The following AGO2 variants were observed in gnomAD, a reference collection of about 807,000 sequenced individuals.
The protein encoded by AGO2 is protein argonaute-2.
In AGO2, 5 loss-of-function variants were observed where a neutral mutation model predicts 102.3. The ratio of observed to expected loss-of-function variants is 0.05; its 90% CI spans 0.03 to 0.10. The LOEUF is 0.10. Among genes scored for constraint, AGO2 ranks in the 10% least tolerant of loss-of-function variants. AGO2 has a pLI of 1.00. For missense variants in AGO2, 541 were observed against 1,183.7 expected (o/e 0.46, Z 7.97); for synonymous variants, 449 against 473.1 (o/e 0.95, Z 0.66).
chr8:140,559,275 T>C (rs2073156310), intron 6 of AGO2, 120 bp downstream of exon 6: 2 of 1,305,066 alleles, frequency 1.5e-6, no homozygotes, highest in Non-Finnish European at 2.1e-6. Context: ...GATGGCTACA[T>C]TCTGCCACCC....
In AGO2 at chr8:140,608,118, A is replaced by G. The variant is rs998363776; in HGVS notation, c.23-22807T>C. 1.2e-4 allele frequency among the ~76,000 whole-genome samples: 19 copies of G among 152,270 alleles called. No individual in the cohort carries two copies. In the East Asian group the frequency reaches 3.5e-3, roughly 28 times the overall value. On this transcript the variant is annotated intron_variant, in intron 1 of 18. Coordinates refer to ENST00000220592, the MANE Select transcript of AGO2 (RefSeq NM_012154.5). ...CTTTAACCGCCACTCCTAAACACAGAGTGGTGATATGGGCTTGTGAGCTCT... is the reference window on the plus strand; with the variant it reads ...CTTTAACCGCCACTCCTAAACACAGGGTGGTGATATGGGCTTGTGAGCTCT...
intron 17 of AGO2, among the ~76,000 whole-genome samples, chr8:140,533,725 G>A (rs2072643347): frequency 2.0e-5 from 3 of 151,272 alleles, no homozygotes; most frequent in African/African-American, 7.3e-5. Context: ...GAGAATCGCT[G>A]GAACCCGGGA....
At chr8:140,631,208 A>AG (rs1737996660) in intron 1 of AGO2, among the ~76,000 whole-genome samples, 1 of 152,146 alleles carries the variant, frequency 6.6e-6, no homozygotes, top group Admixed American at 6.5e-5. Flanking sequence ...GAAAAAACGG[A>AG]GGGGGAGGGG....
chr8:140,629,020 G>A (rs2074308513), intron 1 of AGO2, among the ~76,000 whole-genome samples: 1 of 152,094 alleles, frequency 6.6e-6, no homozygotes, highest in Non-Finnish European at 1.5e-5. Context: ...GAACCTGGGA[G>A]GCGGAGGTTG....
chr8:140,573,973 C>G (rs1413659650), intron 2 of AGO2, among the ~76,000 whole-genome samples: 3 of 152,222 alleles, frequency 2.0e-5, no homozygotes, highest in Non-Finnish European at 4.4e-5. Flanking sequence ...CAAACCTCAG[C>G]CCACTTGCAG....
chr8:140,572,565 T>C (rs1173749853), intron 3 of AGO2: 1 of 422,956 alleles, frequency 2.4e-6, no homozygotes, highest in African/African-American at 2.0e-5. Context: ...TACTTAAAGT[T>C]TGGTGGTTTC....
intron 4 of AGO2, among the ~76,000 whole-genome samples, chr8:140,561,874 C>T (rs767614928): frequency 9.9e-5 from 15 of 152,196 alleles, no homozygotes; most frequent in East Asian, 1.9e-4. Flanking sequence ...TGAGGGCTGA[C>T]GCGCTGAGCT....
chr8:140,547,290 C>T lies in AGO2; in HGVS notation c.1748+178G>A, dbSNP rs571706380. On this transcript the variant is annotated intron_variant, in intron 13 of 18. Coordinates refer to ENST00000220592, the MANE Select transcript of AGO2 (RefSeq NM_012154.5). ...AAACTCCTGCAGACGCCCCTGGTCC[C>T]CAGCAGAGCGTGAGCAGCCAGATCT... Among the ~76,000 whole-genome samples, 603 of 152,354 alleles carry T rather than the reference C, an allele frequency of 4.0e-3. 1 individual carries two copies. The highest frequency in any genetic ancestry group is 6.8e-3 in the Non-Finnish European group (466 of 68,038).
At chr8:140,604,754 G>A (rs1024044570) in intron 1 of AGO2, among the ~76,000 whole-genome samples, 1 of 151,756 alleles carries the variant, frequency 6.6e-6, no homozygotes, top group African/African-American at 2.4e-5. Context: ...GTGAACCTGG[G>A]AGGTGGAGCT....
chr8:140,625,506 C>T (rs1465891408), intron 1 of AGO2, among the ~76,000 whole-genome samples: 1 of 152,172 alleles, frequency 6.6e-6, no homozygotes, highest in Non-Finnish European at 1.5e-5. Context: ...TTTCATCCCT[C>T]GTATCCAGGG....
intron 17 of AGO2, among the ~76,000 whole-genome samples, chr8:140,533,892 C>T (rs2072646671): frequency 1.3e-5 from 2 of 152,138 alleles, no homozygotes; most frequent in South Asian, 4.2e-4. Flanking sequence ...TTTTACACAC[C>T]TCCTGCGGTT....
intron 2 of AGO2, among the ~76,000 whole-genome samples, chr8:140,584,049 G>A (rs755707969): frequency 1.3e-4 from 19 of 150,826 alleles, no homozygotes; most frequent in Non-Finnish European, 2.2e-4. Context: ...TGGTTCTGTC[G>A]CTCCGGAGGA....
intron 3 of AGO2, 140 bp downstream of exon 3, chr8:140,572,672 C>T (rs2073397976): frequency 3.3e-6 from 4 of 1,225,918 alleles, no homozygotes; most frequent in East Asian, 2.6e-5. Context: ...GATCTCAGGA[C>T]GAAGCATGTG....
At chr8:140,609,171 C>T (rs561759503) in intron 1 of AGO2, among the ~76,000 whole-genome samples, 34 of 152,354 alleles carry the variant, frequency 2.2e-4, no homozygotes, top group Middle Eastern at 3.4e-3. Context: ...GAAAAGCCAG[C>T]GTGAGCCAAG....
At position 140,535,461 on chromosome 8, in the gene AGO2, GC is replaced by G; in HGVS notation, c.2271+6del. 6.2e-7 allele frequency: 1 copy of G among 1,614,004 alleles called. No individual in the cohort carries two copies. The highest frequency in any genetic ancestry group is 1.1e-5 in the South Asian group (1 of 91,086). ...AGACTCTGTCCGAAGGGGACTCCCG[GC>G]CTTACCTGGATGCCAGCGTGACTAC... On this transcript the variant is annotated splice_donor_region_variant and intron_variant, in intron 17 of 18. Transcript: ENST00000220592.
intron 3 of AGO2, among the ~76,000 whole-genome samples, chr8:140,571,766 G>A (rs2073380201): frequency 2.0e-5 from 3 of 152,066 alleles, no homozygotes; most frequent in Admixed American, 2.0e-4. Context: ...ATTTTTTTGA[G>A]ACTGAGTCTC....
intron 1 of AGO2, among the ~76,000 whole-genome samples, chr8:140,634,726 C>T (rs1487573680): frequency 6.6e-6 from 1 of 152,236 alleles, no homozygotes; most frequent in Non-Finnish European, 1.5e-5. Flanking sequence ...AAGGAATTAG[C>T]ACTTGAATGG....
chr8:140,577,207 C>CAAAA (rs10661844), intron 2 of AGO2, among the ~76,000 whole-genome samples: 1,306 of 70,682 alleles, frequency 0.018, 71 homozygotes, highest in African/African-American at 0.074. Context: ...GACTCCATCT[C>CAAAA]AAAAAAAAAA....
chr8:140,552,738 GCGCACACA>G (rs1228878902), intron 10 of AGO2, among the ~76,000 whole-genome samples: 6 of 97,414 alleles, frequency 6.2e-5, no homozygotes, highest in African/African-American at 1.5e-4. Context: ...ACGCGCGCGC[GCGCACACA>G]CACACACACA....
Sources: allele counts gnomAD v4.1 joint callset (sites outside exome capture counted in the v4.1 genomes callset), GRCh38; gene constraint gnomAD v4.1.1; transcripts MANE v1.5; gene names NCBI Gene and HGNC (gene_info 2026-07-23, HGNC 2026-07-21).